TMEM30A: variants seen among roughly 807,000 people sequenced by gnomAD.
TMEM30A encodes the protein cell division cycle 50 P4-ATPase accessory subunit A, also known as cell cycle control protein 50A.
TMEM30A carries 24 observed loss-of-function variants against 38.2 expected under a neutral mutation model. The observed-to-expected ratio is 0.63, with a 90% CI of 0.46 to 0.88. The LOEUF (loss-of-function observed/expected upper bound fraction) is 0.88, where lower values mean the gene tolerates loss of function less well. Among genes scored for constraint, TMEM30A ranks in the 40% least tolerant of loss-of-function variants. The pLI is 0.00. For synonymous variants in TMEM30A, 145 were observed against 161.6 expected, an observed-to-expected ratio of 0.90 and a Z score of 0.78; for missense variants, 370 against 458.6, an observed-to-expected ratio of 0.81 and a Z score of 1.77.
Position 75,259,399 on chromosome 6 carries a change from A to AT in TMEM30A, c.632dup (p.Asn211LysfsTer18). 3.1e-6 allele frequency: 5 copies of AT among 1,613,530 alleles called. No homozygotes were observed. The highest frequency in any genetic ancestry group is 4.2e-6 in the Non-Finnish European group (5 of 1,179,728). ...CTCCAGGGGGATTTCTGAATTTCAC[A>AT]TTTTTATCTGTCCACCAAGCAATAC... On this transcript the variant is annotated frameshift_variant, in exon 5 of 7. Transcript: ENST00000230461. LOFTEE classifies it high-confidence loss of function.
chr6:75,262,504 A>T (rs1771985284), intron 3 of TMEM30A, among the ~76,000 whole-genome samples: 1 of 151,958 alleles, frequency 6.6e-6, no homozygotes, highest in Non-Finnish European at 1.5e-5. Flanking sequence ...TTAGCCGGGC[A>T]TGGTGGTGGG....
chr6:75,259,001 G>C lies in TMEM30A; in HGVS notation c.686-15C>G. ...CTTTGTTGTACCTTAAAAGGAGTGG[G>C]GAGGGGATAAGGAGACAAAATATTA... is the stretch of plus-strand genomic sequence containing the variant. On this transcript the variant is annotated splice_polypyrimidine_tract_variant and intron_variant, in intron 5 of 6. Coordinates refer to ENST00000230461, the MANE Select transcript of TMEM30A (RefSeq NM_018247.4). The C allele has an allele frequency of 6.2e-7, 1 of 1,607,068 alleles. No individual in the cohort carries two copies. Among genetic ancestry groups the C allele is most frequent in the Middle Eastern group, 1.9e-4 (1 of 5,296 alleles).
intron 1 of TMEM30A, among the ~76,000 whole-genome samples, chr6:75,276,876 T>C (rs953509308): frequency 2.6e-5 from 4 of 152,144 alleles, no homozygotes; most frequent in Admixed American, 6.5e-5. Flanking sequence ...CTCTTTGTTG[T>C]TCCTCAAACA....
intron 3 of TMEM30A, 64 bp from the exon 4 acceptor site, chr6:75,260,975 A>C: frequency 1.8e-6 from 2 of 1,113,660 alleles, no homozygotes; most frequent in Non-Finnish European, 2.6e-6. Context: ...ACTATGAGCT[A>C]TCCCTAAATT....
intron 1 of TMEM30A, among the ~76,000 whole-genome samples, chr6:75,278,696 C>A (rs1329567617): frequency 6.6e-6 from 1 of 152,198 alleles, no homozygotes; most frequent in Non-Finnish European, 1.5e-5. Flanking sequence ...TTACTCATTG[C>A]TCAACCCACT....
chr6:75,269,668 T>C (rs986952400), intron 1 of TMEM30A, among the ~76,000 whole-genome samples: 3 of 152,196 alleles, frequency 2.0e-5, no homozygotes, highest in Admixed American at 6.5e-5. Context: ...AGGTATGCAA[T>C]TGCTGGATCA....
intron 1 of TMEM30A, among the ~76,000 whole-genome samples, chr6:75,269,130 G>A (rs936287296): frequency 2.0e-5 from 3 of 152,220 alleles, no homozygotes; most frequent in Admixed American, 2.0e-4. Context: ...TGGTACATTT[G>A]CTATAATCGA....
At chr6:75,273,579 C>G (rs1402653506) in intron 1 of TMEM30A, among the ~76,000 whole-genome samples, 1 of 151,736 alleles carries the variant, frequency 6.6e-6, no homozygotes, top group Non-Finnish European at 1.5e-5. Context: ...ATGTTATCTA[C>G]AGGGAGAGAG....
intron 6 of TMEM30A, chr6:75,256,655 G>C (rs1771872767): frequency 5.2e-6 from 2 of 385,586 alleles, no homozygotes; most frequent in Admixed American, 7.3e-5. Context: ...CAAGGAGACT[G>C]ACAGACCAGG....
In TMEM30A at chr6:75,261,043, G is replaced by C. The variant is rs189628768; in HGVS notation, c.454-132C>G. On this transcript the variant is annotated intron_variant, in intron 3 of 6. Transcript: ENST00000230461. ...CACTTATAATACACAGGTCTGTAAT[G>C]TAAGTAGGCTATAGATAACACCACA... The C allele has an allele frequency of 1.4e-3, 733 of 533,082 alleles. 2 individuals are homozygous for C. Among genetic ancestry groups the C allele is most frequent in the South Asian group, 4.1e-3 (126 of 30,470 alleles). The allele number at this position is 533,082 out of a possible 1,614,324, so 33.0% of individuals were successfully genotyped here. A position where few individuals can be genotyped will look rare whatever the true frequency, so the allele number is the denominator to read the frequency against.
intron 1 of TMEM30A, among the ~76,000 whole-genome samples, chr6:75,275,706 T>A (rs146706943): frequency 4.6e-5 from 7 of 152,324 alleles, no homozygotes; most frequent in African/African-American, 1.7e-4. Context: ...GTGACCACCA[T>A]CATCTCCTGC....
At chr6:75,260,267 G>A (rs758617964) in intron 4 of TMEM30A, among the ~76,000 whole-genome samples, 110 of 152,110 alleles carry the variant, frequency 7.2e-4, no homozygotes, top group Admixed American at 2.6e-3. Context: ...ATAGCCAGGC[G>A]TGGTTGCGGG....
chr6:75,277,005 C>A (rs980729508), intron 1 of TMEM30A, among the ~76,000 whole-genome samples: 5 of 152,138 alleles, frequency 3.3e-5, no homozygotes, highest in African/African-American at 1.2e-4. Flanking sequence ...TATTCAAATG[C>A]CATTTTACTG....
At chr6:75,259,534 AC>A in intron 4 of TMEM30A, 44 bp from the exon 5 acceptor site, 1 of 1,519,080 alleles carries the variant, frequency 6.6e-7, no homozygotes. Context: ...TCTCTTGAAA[AC>A]TCATAGCATC....
Position 75,284,735 on chromosome 6 carries a change from C to A in TMEM30A, c.-97G>T. The A allele has an allele frequency of 2.4e-6, 3 of 1,254,640 alleles. No individual in the cohort carries two copies. The highest frequency in any genetic ancestry group is 1.2e-5 in the South Asian group (1 of 83,638). The allele number at this position is 1,254,640 out of a possible 1,614,324, so 77.7% of individuals were successfully genotyped here. Reference sequence around the variant, plus strand: ...AACCGCTCGAGCGCCGCTGCCGCCGCCGCCGCCGCAGCCACCAGCGCCACC... The same window carrying A: ...AACCGCTCGAGCGCCGCTGCCGCCGACGCCGCCGCAGCCACCAGCGCCACC... On this transcript the variant is annotated 5_prime_UTR_variant, in exon 1 of 7. Transcript: ENST00000230461.
At chr6:75,281,288 G>A (rs1406577083) in intron 1 of TMEM30A, among the ~76,000 whole-genome samples, 1 of 151,988 alleles carries the variant, frequency 6.6e-6, no homozygotes, top group Non-Finnish European at 1.5e-5. Context: ...CACCAACAAG[G>A]GTCCTAGACT....
chr6:75,267,671 G>A lies in TMEM30A; in HGVS notation c.315C>T (p.Thr105=). 1.9e-6 allele frequency: 3 copies of A among 1,611,184 alleles called. No individual in the cohort carries two copies. The highest frequency in any genetic ancestry group is 2.5e-6 in the Non-Finnish European group (3 of 1,178,582). ...LSPDVTPCFC[T]INFTLEKSFE... The stretch of plus-strand genomic sequence containing the variant: ...ATGACTTTTCCAGTGTGAAGTTAAT[G>A]GTACAAAAGCAAGGTGTCACATCCG... Residue 105 remains threonine (T), a synonymous_variant, in exon 2 of 7, where the codon ACC becomes ACT. Coordinates refer to ENST00000230461, the MANE Select transcript of TMEM30A (RefSeq NM_018247.4).
chr6:75,281,506 T>C (rs1205138963), intron 1 of TMEM30A, among the ~76,000 whole-genome samples: 3 of 152,114 alleles, frequency 2.0e-5, no homozygotes, highest in Non-Finnish European at 2.9e-5. Context: ...TACATAAACC[T>C]AAAAAGTAGA....
chr6:75,267,441 A>G (rs960544351), intron 2 of TMEM30A, among the ~76,000 whole-genome samples, 200 bp downstream of exon 2: 5 of 152,226 alleles, frequency 3.3e-5, no homozygotes, highest in African/African-American at 1.2e-4. Context: ...TAACTAAACC[A>G]TTCAAATAAA....
Sources: gnomAD v4.1 joint callset for allele counts (sites outside exome capture counted in the v4.1 genomes callset) on GRCh38, gnomAD v4.1.1 for gene constraint, MANE v1.5 for transcripts, NCBI Gene and HGNC (gene_info 2026-07-23, HGNC 2026-07-21) for gene names.